PLPPR1: variants seen among roughly 807,000 people sequenced by gnomAD.
The protein encoded by PLPPR1 is phospholipid phosphatase-related protein type 1.
Under a neutral mutation model 33.1 loss-of-function variants are expected in PLPPR1, and 10 were observed. The observed-to-expected ratio is 0.30, with a 90% confidence interval of 0.19 to 0.51. The LOEUF (loss-of-function observed/expected upper bound fraction) is 0.51, where lower values mean the gene tolerates loss of function less well. Ranked by LOEUF, PLPPR1 falls within the 20% of genes least tolerant of loss-of-function variation. PLPPR1 has a pLI of 0.97. For missense variants in PLPPR1, 304 were observed against 408.1 expected, an observed-to-expected ratio of 0.74 and a Z score of 2.20; for synonymous variants, 151 against 151.0, an observed-to-expected ratio of 1.00 and a Z score of 0.00.
intron 2 of PLPPR1, among the ~76,000 whole-genome samples, chr9:101,200,020 AG>A (rs770769687): frequency 1.3e-5 from 2 of 152,204 alleles, no homozygotes; most frequent in Non-Finnish European, 2.9e-5. Context: ...ATCTATCCCC[AG>A]GGGCCTTGCA....
At chr9:101,321,894 T>C (rs2118974032) in intron 7 of PLPPR1, among the ~76,000 whole-genome samples, 1 of 148,446 alleles carries the variant, frequency 6.7e-6, no homozygotes, top group Admixed American at 6.7e-5. Context: ...CTTACTTTCT[T>C]CATCTATGTA....
At chr9:101,115,964 C>T (rs1344023968) in intron 1 of PLPPR1, among the ~76,000 whole-genome samples, 2 of 151,162 alleles carry the variant, frequency 1.3e-5, no homozygotes, top group African/African-American at 4.9e-5. Context: ...AGATTTTGGA[C>T]TCTACTCAAG....
At chr9:101,167,199 T>TCTCACA (rs1825873456) in intron 1 of PLPPR1, among the ~76,000 whole-genome samples, 1 of 51,714 alleles carries the variant, frequency 1.9e-5, no homozygotes, top group Non-Finnish European at 4.5e-5. Context: ...TCTCTCTCTC[T>TCTCACA]CACACACACA....
chr9:101,226,775 T>A (rs1330436744), intron 2 of PLPPR1, among the ~76,000 whole-genome samples: 4 of 152,058 alleles, frequency 2.6e-5, no homozygotes, highest in Non-Finnish European at 4.4e-5. Flanking sequence ...TATATTTTTT[T>A]AAGTTGTTAT....
intron 1 of PLPPR1, among the ~76,000 whole-genome samples, chr9:101,100,697 CGTGTGTGTGTGTGT>C (rs56760066): frequency 2.7e-5 from 4 of 146,822 alleles, no homozygotes; most frequent in South Asian, 2.2e-4. Flanking sequence ...CTCTTTGTTC[CGTGTGTGTGTGTGT>C]GTGTGTGTGT....
rs565218450 is a variant in PLPPR1 at position 101,241,100 on chromosome 9, T to TGGTTG, written c.64-28779_64-28775dup. On this transcript the variant is annotated intron_variant, in intron 2 of 7. Transcript: ENST00000374874. Reference sequence around the variant, plus strand: ...ATAATTTTCTAAAAATAATGCAAGATGGTTGTATGTCTTGTGTTCTTTCCA... The same window carrying TGGTTG: ...ATAATTTTCTAAAAATAATGCAAGATGGTTGGGTTGTATGTCTTGTGTTCTTTCCA... 5.7e-4 allele frequency among the ~76,000 whole-genome samples: 86 copies of TGGTTG among 152,210 alleles called. 1 individual carries two copies. Among genetic ancestry groups the TGGTTG allele is most frequent in the African/African-American group, 1.9e-3 (81 of 41,572 alleles).
At chr9:101,244,740 A>G (rs1827553117) in intron 2 of PLPPR1, among the ~76,000 whole-genome samples, 1 of 151,944 alleles carries the variant, frequency 6.6e-6, no homozygotes, top group Admixed American at 6.6e-5. Flanking sequence ...CAATGTTAAA[A>G]CCAAAAATTT....
chr9:101,051,246 TTACTACTAC>T (rs35355458), intron 1 of PLPPR1, among the ~76,000 whole-genome samples: 5 of 149,750 alleles, frequency 3.3e-5, no homozygotes, highest in Admixed American at 6.7e-5. Context: ...CAATTCTTTG[TTACTACTAC>T]TACTACTACT....
intron 1 of PLPPR1, among the ~76,000 whole-genome samples, chr9:101,133,436 A>G (rs1831339923): frequency 6.6e-6 from 1 of 152,184 alleles, no homozygotes; most frequent in Non-Finnish European, 1.5e-5. Flanking sequence ...ATGGAACTAA[A>G]TTTGAATTCT....
At chr9:101,317,883 G>A (rs1469986935) in intron 7 of PLPPR1, among the ~76,000 whole-genome samples, 3 of 152,194 alleles carry the variant, frequency 2.0e-5, no homozygotes, top group East Asian at 3.9e-4. Flanking sequence ...TAAGTTGGAG[G>A]CACATTTTAA....
At chr9:101,115,277 A>G (rs546502334) in intron 1 of PLPPR1, among the ~76,000 whole-genome samples, 1 of 152,344 alleles carries the variant, frequency 6.6e-6, no homozygotes, top group East Asian at 1.9e-4. Context: ...ATTTACATGT[A>G]TCCGTGCTCC....
intron 1 of PLPPR1, among the ~76,000 whole-genome samples, chr9:101,179,367 A>G (rs1305805959): frequency 1.3e-5 from 2 of 152,172 alleles, no homozygotes; most frequent in African/African-American, 4.8e-5. Flanking sequence ...TTAATCACCA[A>G]TACCAGCTAT....
chr9:101,065,351 C>G (rs558091846), intron 1 of PLPPR1, among the ~76,000 whole-genome samples: 1 of 152,156 alleles, frequency 6.6e-6, no homozygotes, highest in East Asian at 1.9e-4. Context: ...GACATTGAAT[C>G]GAGCACTCAC....
chr9:101,194,812 G>A (rs767142034), intron 2 of PLPPR1, among the ~76,000 whole-genome samples: 1 of 151,884 alleles, frequency 6.6e-6, no homozygotes, highest in Non-Finnish European at 1.5e-5. Flanking sequence ...TTTAAATAAG[G>A]TATTGACCAC....
At chr9:101,235,062 C>G (rs1004928227) in intron 2 of PLPPR1, among the ~76,000 whole-genome samples, 1 of 151,778 alleles carries the variant, frequency 6.6e-6, no homozygotes, top group African/African-American at 2.4e-5. Flanking sequence ...GCATTTATAT[C>G]ATGGCAGATG....
At chr9:101,277,160 T>C (rs983229637) in intron 3 of PLPPR1, among the ~76,000 whole-genome samples, 6 of 152,220 alleles carry the variant, frequency 3.9e-5, no homozygotes, top group Non-Finnish European at 5.9e-5. Context: ...TTCTTGGAGA[T>C]GTTTATTACT....
chr9:101,040,458 T>C (rs1830063038), intron 1 of PLPPR1, among the ~76,000 whole-genome samples: 1 of 152,164 alleles, frequency 6.6e-6, no homozygotes, highest in South Asian at 2.1e-4. Flanking sequence ...CTATAATGGA[T>C]ATACCCAAGA....
chr9:101,319,101 C>T (rs552927899), intron 7 of PLPPR1, among the ~76,000 whole-genome samples: 16 of 152,274 alleles, frequency 1.1e-4, no homozygotes, highest in African/African-American at 3.9e-4. Context: ...TACTTCATAT[C>T]AGTGCAATAT....
At chr9:101,053,892 C>T (rs184954926) in intron 1 of PLPPR1, among the ~76,000 whole-genome samples, 1 of 152,074 alleles carries the variant, frequency 6.6e-6, no homozygotes, top group Non-Finnish European at 1.5e-5. Flanking sequence ...ATATAAAACC[C>T]CATTTATCAG....
Sources: allele counts gnomAD v4.1 joint callset (sites outside exome capture counted in the v4.1 genomes callset), GRCh38; gene constraint gnomAD v4.1.1; transcripts MANE v1.5; gene names NCBI Gene and HGNC (gene_info 2026-07-23, HGNC 2026-07-21).